The following NCR3LG1 variants were observed in gnomAD, a reference collection of about 807,000 sequenced individuals.
The protein encoded by NCR3LG1 is natural killer cell cytotoxicity receptor 3 ligand 1.
Under a neutral mutation model 34.8 loss-of-function variants are expected in NCR3LG1, and 35 were observed. That is an observed-to-expected ratio of 1.01 (90% confidence interval 0.77 to 1.33). The LOEUF (loss-of-function observed/expected upper bound fraction) is 1.33. Among genes scored for constraint, NCR3LG1 ranks in the 40% most tolerant of loss-of-function variants. NCR3LG1 has a pLI of 0.00. For synonymous variants in NCR3LG1, 173 were observed against 163.6 expected, an observed-to-expected ratio of 1.06 and a Z score of -0.44; for missense variants, 452 against 423.3, an observed-to-expected ratio of 1.07 and a Z score of -0.60.
At chr11:17,369,832 C>G (rs570439326) in intron 4 of NCR3LG1, among the ~76,000 whole-genome samples, 32 of 152,244 alleles carry the variant, frequency 2.1e-4, no homozygotes, top group Non-Finnish European at 3.7e-4. Context: ...TTCTGATATT[C>G]AGGTGCTATT....
At chr11:17,360,868 C>T (rs1953262481) in intron 2 of NCR3LG1, among the ~76,000 whole-genome samples, 1 of 152,130 alleles carries the variant, frequency 6.6e-6, no homozygotes, top group Non-Finnish European at 1.5e-5. Context: ...TTCCGAGTAG[C>T]TTGTGCTACA....
chr11:17,368,867 A>C lies in NCR3LG1; in HGVS notation c.761A>C (p.Glu254Ala). 6.5e-7 allele frequency: 1 copy of C among 1,527,664 alleles called. No individual in the cohort carries two copies. Among genetic ancestry groups the C allele is most frequent in the Non-Finnish European group, 8.8e-7 (1 of 1,139,264 alleles). 94.6% of individuals were successfully genotyped at this position (1,527,664 alleles called of 1,614,324 possible). Residue 254 changes from glutamate (E) to alanine (A), a missense_variant and splice_region_variant, in exon 4 of 5, where the codon GAA becomes GCA. By Grantham distance (107) the Glu-to-Ala change is moderately radical (BLOSUM62 -1). Transcript: ENST00000338965. ...TAATGTTTTCCTTCTCTCTCTGCAG[A>C]AACTGAGAAGACAGATAATTTTTCC... ...TLTAARHSLS[E>A]TEKTDNFSIH...
intron 1 of NCR3LG1, among the ~76,000 whole-genome samples, chr11:17,355,364 T>C (rs565196822): frequency 3.9e-5 from 6 of 151,912 alleles, no homozygotes; most frequent in South Asian, 4.2e-4. Context: ...ACCACTGCAC[T>C]CCAGCTTGGG....
At position 17,376,753 on chromosome 11, in the gene NCR3LG1, C is replaced by T. The variant is rs1206262477; in HGVS notation, c.*4241C>T. On this transcript the variant is annotated 3_prime_UTR_variant, in exon 5 of 5. Transcript: ENST00000338965. ...TTGGCCGGGTAATAGCAAATGCCTC[C>T]TCCTGTTTTAAAAGCAGAGGAAAAG... 1 of 152,210 alleles carries T rather than the reference C, an allele frequency of 6.6e-6. No individual in the cohort carries two copies. The highest frequency in any genetic ancestry group is 2.4e-5 in the African/African-American group (1 of 41,442). 9.4% of individuals were successfully genotyped at this position (152,210 alleles called of 1,614,324 possible). A position where few individuals can be genotyped will look rare whatever the true frequency, so the allele number is the denominator to read the frequency against.
At position 17,376,925 on chromosome 11, in the gene NCR3LG1, C is replaced by A. The variant is rs1277947401; in HGVS notation, c.*4413C>A. The A allele has an allele frequency of 6.6e-6, 1 of 152,144 alleles. No homozygotes were observed. The highest frequency in any genetic ancestry group is 2.4e-5 in the African/African-American group (1 of 41,430). The allele number at this position is 152,144 out of a possible 1,614,324, so 9.4% of individuals were successfully genotyped here. A position where few individuals can be genotyped will look rare whatever the true frequency, so the allele number is the denominator to read the frequency against. On this transcript the variant is annotated 3_prime_UTR_variant, in exon 5 of 5. Transcript: ENST00000338965. ...AGGCTTTCAGAATTCAGCGTCTCCT[C>A]CTGGTTGAAAGTCCTGCTGGGAATG...
intron 4 of NCR3LG1, among the ~76,000 whole-genome samples, chr11:17,369,726 G>A (rs1953386812): frequency 6.6e-6 from 1 of 152,212 alleles, no homozygotes; most frequent in Non-Finnish European, 1.5e-5. Flanking sequence ...ACTTATTCCT[G>A]TTGGATCTAG....
chr11:17,363,153 G>A lies in NCR3LG1; in HGVS notation c.422-3856G>A, dbSNP rs560188414. Among the ~76,000 whole-genome samples the A allele has an allele frequency of 2.0e-5, 3 of 149,744 alleles. No homozygotes were observed. The South Asian group carries it at 6.4e-4, about 32-fold the overall frequency. On this transcript the variant is annotated intron_variant, in intron 2 of 4. Transcript: ENST00000338965. ...GCCCAGACTCGTCTTGAACTCCCTCGGCTCAAGTGATCCTCCCACCTTGGT... is the reference window on the plus strand; with the variant it reads ...GCCCAGACTCGTCTTGAACTCCCTCAGCTCAAGTGATCCTCCCACCTTGGT...
At position 17,372,091 on chromosome 11, in the gene NCR3LG1, A is replaced by AAG; in HGVS notation, c.947_948dup (p.His317SerfsTer36). 1 of 703,000 alleles carries AAG rather than the reference A, an allele frequency of 1.4e-6. No homozygotes were observed. The highest frequency in any genetic ancestry group is 2.6e-6 in the Non-Finnish European group (1 of 384,998). 43.5% of individuals were successfully genotyped at this position (703,000 alleles called of 1,614,324 possible). ...TCCTTTGACACTCAGACTCTGAAGA[A>AAG]AGAGCACCTCATATTCTTTTGCACT... On this transcript the variant is annotated frameshift_variant, in exon 5 of 5. Transcript: ENST00000338965. LOFTEE classifies it high-confidence loss of function.
intron 2 of NCR3LG1, among the ~76,000 whole-genome samples, chr11:17,358,109 A>G (rs946265932): frequency 6.6e-6 from 1 of 152,178 alleles, no homozygotes; most frequent in South Asian, 2.1e-4. Flanking sequence ...CACGCCCTGC[A>G]TACCATTTCC....
intron 2 of NCR3LG1, 84 bp downstream of exon 2, chr11:17,357,085 C>CT: frequency 1.1e-6 from 1 of 886,586 alleles, no homozygotes; most frequent in Non-Finnish European, 1.7e-6. Flanking sequence ...TTGAGCTCCA[C>CT]TTTCCTGTAT....
At chr11:17,370,744 C>T (rs370126219) in intron 4 of NCR3LG1, among the ~76,000 whole-genome samples, 65 of 152,290 alleles carry the variant, frequency 4.3e-4, no homozygotes, top group African/African-American at 1.6e-3. Context: ...CTCCAGCCCC[C>T]GACAGCCCGT....
intron 2 of NCR3LG1, among the ~76,000 whole-genome samples, chr11:17,365,236 T>C (rs1190496362): frequency 6.6e-6 from 1 of 152,226 alleles, no homozygotes; most frequent in Non-Finnish European, 1.5e-5. Context: ...TTATTGTAGC[T>C]ATAGGTGCCA....
chr11:17,378,289 T>A (rs1953493884), downstream of NCR3LG1, among the ~76,000 whole-genome samples: 1 of 152,132 alleles, frequency 6.6e-6, no homozygotes, highest in Non-Finnish European at 1.5e-5. Context: ...TGCTTAAAGA[T>A]CAAATTAGAA....
At chr11:17,378,477 C>T (rs1176975870), downstream of NCR3LG1, among the ~76,000 whole-genome samples, 2 of 152,090 alleles carry the variant, frequency 1.3e-5, no homozygotes, top group Non-Finnish European at 2.9e-5. Flanking sequence ...AAATTGTTTC[C>T]TCTCACTTAG....
rs34000454 is a variant in NCR3LG1, at chr11:17,351,891, G to C, written c.-79G>C. 221,980 of 1,114,798 alleles carry C rather than the reference G, an allele frequency of 0.2. 23,318 individuals are homozygous for C. Among genetic ancestry groups the C allele is most frequent in the African/African-American group, 0.26 (16,920 of 64,076 alleles). 69.1% of individuals were successfully genotyped at this position (1,114,798 alleles called of 1,614,324 possible). On this transcript the variant is annotated 5_prime_UTR_variant, in exon 1 of 5. Transcript: ENST00000338965. ...CTCCGTCAACTCTTTACGCAACAGA[G>C]GTCTCCCCCTGCCCTTGGTTTCTAC...
In NCR3LG1 at chr11:17,372,362, T is replaced by C; in HGVS notation, c.1215T>C (p.Ser405=). The C allele has an allele frequency of 1.4e-6, 1 of 703,098 alleles. No individual in the cohort carries two copies. The allele number at this position is 703,098 out of a possible 1,614,324, so 43.6% of individuals were successfully genotyped here. A position where few individuals can be genotyped will look rare whatever the true frequency, so the allele number is the denominator to read the frequency against. The change falls in exon 5 of 5, where the codon TCT becomes TCC. Residue 405 remains serine (S), a synonymous_variant. Transcript: ENST00000338965. ...GKSIDDNSTK[S]EKQTPREHSD... Reference sequence around the variant, plus strand: ...CCATAGATGATAATTCCACAAAGTCTGAGAAACAAACCCCTAGGGAACACT... The same window carrying C: ...CCATAGATGATAATTCCACAAAGTCCGAGAAACAAACCCCTAGGGAACACT...
At position 17,373,163 on chromosome 11, in the gene NCR3LG1, A is replaced by G. The variant is rs1235066246; in HGVS notation, c.*651A>G. On this transcript the variant is annotated 3_prime_UTR_variant, in exon 5 of 5. Coordinates refer to ENST00000338965, the MANE Select transcript of NCR3LG1 (RefSeq NM_001202439.3). ...CAGAAGGAAGCTAGAGAAACAGGCC[A>G]TGGGATTAGATAGCACCTTACAAAA... 1.3e-5 allele frequency: 2 copies of G among 152,238 alleles called. No individual in the cohort carries two copies. The highest frequency in any genetic ancestry group is 4.8e-5 in the African/African-American group (2 of 41,464). The allele number at this position is 152,238 out of a possible 1,614,324, so 9.4% of individuals were successfully genotyped here.
chr11:17,372,429 A>G lies in NCR3LG1; in HGVS notation c.1282A>G (p.Ile428Val), dbSNP rs1399576730. Residue 428 changes from isoleucine (I) to valine (V), a missense_variant, in exon 5 of 5, where the codon ATC becomes GTC. Ile to Val is a conservative substitution (Grantham distance 29). Coordinates refer to ENST00000338965, the MANE Select transcript of NCR3LG1 (RefSeq NM_001202439.3). Reference sequence around the variant, plus strand: ...TGCCCCAATCCTTCCTGTCTCCCCTATCTGGGAACCTCCTCCAGCCACAAC... The same window carrying G: ...TGCCCCAATCCTTCCTGTCTCCCCTGTCTGGGAACCTCCTCCAGCCACAAC... ...PDAPILPVSP[I>V]WEPPPATTST... 5.7e-6 allele frequency: 4 copies of G among 703,054 alleles called. No individual in the cohort carries two copies. Among genetic ancestry groups the G allele is most frequent in the African/African-American group, 1.7e-5 (1 of 57,202 alleles). 43.6% of individuals were successfully genotyped at this position (703,054 alleles called of 1,614,324 possible).
rs1953418363 is a variant in NCR3LG1 at position 17,372,377 on chromosome 11, T to C, written c.1230T>C (p.Pro410=). The stretch of plus-strand genomic sequence containing the variant: ...CCACAAAGTCTGAGAAACAAACCCC[T>C]AGGGAACACTCGGATGCAGTTCCGG... ...DNSTKSEKQT[P]REHSDAVPDA... The change falls in exon 5 of 5, where the codon CCT becomes CCC. Residue 410 remains proline (P), a synonymous_variant. Coordinates refer to ENST00000338965, the MANE Select transcript of NCR3LG1 (RefSeq NM_001202439.3). 1.4e-6 allele frequency: 1 copy of C among 703,152 alleles called. No individual in the cohort carries two copies. Among genetic ancestry groups the C allele is most frequent in the East Asian group, 2.7e-5 (1 of 37,284 alleles). 43.6% of individuals were successfully genotyped at this position (703,152 alleles called of 1,614,324 possible). A position where few individuals can be genotyped will look rare whatever the true frequency, so the allele number is the denominator to read the frequency against.
Sources: allele counts gnomAD v4.1 joint callset (sites outside exome capture counted in the v4.1 genomes callset), GRCh38; gene constraint gnomAD v4.1.1; transcripts MANE v1.5; gene names NCBI Gene and HGNC (gene_info 2026-07-23, HGNC 2026-07-21).